The following PLPPR1 variants were observed in gnomAD, a reference collection of about 807,000 sequenced individuals.
PLPPR1 encodes the protein phospholipid phosphatase-related protein type 1.
In PLPPR1, 10 loss-of-function variants were observed where a neutral mutation model predicts 33.1. The observed-to-expected ratio is 0.30, with a 90% CI of 0.19 to 0.51. The LOEUF (loss-of-function observed/expected upper bound fraction) is 0.51, where lower values mean the gene tolerates loss of function less well. PLPPR1 is among the 20% of genes least tolerant of loss of function. The probability of loss-of-function intolerance (pLI) is 0.97; values close to 1 mark genes in which losing one functional copy is unlikely to be tolerated. For missense variants in PLPPR1, 304 were observed against 408.1 expected (o/e 0.74, Z 2.20); for synonymous variants, 151 against 151.0 (o/e 1.00, Z 0.00).
At chr9:101,071,920 A>G (rs550451299) in intron 1 of PLPPR1, among the ~76,000 whole-genome samples, 12 of 152,286 alleles carry the variant, frequency 7.9e-5, no homozygotes, top group African/African-American at 2.6e-4. Flanking sequence ...CAACTGTGAG[A>G]TTCTGTAAGA....
chr9:101,290,682 A>T (rs2185672), intron 4 of PLPPR1, among the ~76,000 whole-genome samples: 59,559 of 151,044 alleles, frequency 0.39, 12,548 homozygotes, highest in African/African-American at 0.56. Context: ...TAATTTTTTT[A>T]AAAAAATGAG....
intron 6 of PLPPR1, among the ~76,000 whole-genome samples, chr9:101,316,866 A>G (rs1460095384): frequency 1.3e-5 from 2 of 152,164 alleles, no homozygotes; most frequent in Admixed American, 6.5e-5. Context: ...GCAAAATAGT[A>G]TAGGGATATG....
intron 1 of PLPPR1, among the ~76,000 whole-genome samples, chr9:101,073,483 T>TA (rs11443685): frequency 0.61 from 90,600 of 149,480 alleles, 27,307 homozygotes; most frequent in East Asian, 0.8. Context: ...AATTTTATGC[T>TA]AAAAAAAAAA....
At position 101,116,585 on chromosome 9, in the gene PLPPR1, C is replaced by T. The variant is rs58771307; in HGVS notation, c.-45-68865C>T. ...ATCCCAGGACTTTGGGAGGCCAAGG[C>T]GGGCGGATCACAAGGTCAAGAGATC... On this transcript the variant is annotated intron_variant, in intron 1 of 7. Transcript: ENST00000374874. Among the ~76,000 whole-genome samples the T allele has an allele frequency of 9.6e-3, 1,463 of 152,108 alleles. 44 individuals carry two copies. The East Asian group carries it at 0.11, about 12-fold the overall frequency.
intron 4 of PLPPR1, among the ~76,000 whole-genome samples, chr9:101,295,375 C>A (rs1416879147): frequency 1.3e-5 from 2 of 151,604 alleles, no homozygotes; most frequent in Non-Finnish European, 3.0e-5. Flanking sequence ...GGCCATACTG[C>A]CCAAGGTAAT....
chr9:101,054,775 G>A (rs908598752), intron 1 of PLPPR1, among the ~76,000 whole-genome samples: 2 of 152,126 alleles, frequency 1.3e-5, no homozygotes, highest in African/African-American at 4.8e-5. Flanking sequence ...TCAAGTCTCT[G>A]ACTTCCACTA....
At chr9:101,138,108 A>G (rs1474794835) in intron 1 of PLPPR1, among the ~76,000 whole-genome samples, 1 of 152,212 alleles carries the variant, frequency 6.6e-6, no homozygotes, top group Non-Finnish European at 1.5e-5. Context: ...CAGCTCTGTC[A>G]TCTTGTACCA....
At chr9:101,204,669 T>C (rs561117292) in intron 2 of PLPPR1, among the ~76,000 whole-genome samples, 17 of 152,292 alleles carry the variant, frequency 1.1e-4, no homozygotes, top group Non-Finnish European at 2.2e-4. Flanking sequence ...GAGTACTGAA[T>C]GGATTTCTAA....
At chr9:101,217,669 TA>T (rs1182220514) in intron 2 of PLPPR1, among the ~76,000 whole-genome samples, 2 of 152,194 alleles carry the variant, frequency 1.3e-5, no homozygotes, top group Non-Finnish European at 2.9e-5. Flanking sequence ...AATAAAACTA[TA>T]AAAACAGGCA....
At chr9:101,059,224 A>T (rs1023790295) in intron 1 of PLPPR1, among the ~76,000 whole-genome samples, 2 of 152,274 alleles carry the variant, frequency 1.3e-5, no homozygotes, top group East Asian at 3.9e-4. Flanking sequence ...ATTAATTTGA[A>T]TATCAAAGAA....
intron 3 of PLPPR1, 146 bp downstream of exon 3, chr9:101,270,214 A>G: frequency 1.3e-6 from 1 of 786,632 alleles, no homozygotes. Flanking sequence ...GAGTGAATGG[A>G]GCTCTGCAGA....
At chr9:101,296,332 C>T (rs2118933645) in intron 4 of PLPPR1, among the ~76,000 whole-genome samples, 1 of 151,962 alleles carries the variant, frequency 6.6e-6, no homozygotes, top group East Asian at 1.9e-4. Flanking sequence ...GAAATAGGAA[C>T]ACTTTTACAC....
At chr9:101,237,998 T>C (rs1054888741) in intron 2 of PLPPR1, among the ~76,000 whole-genome samples, 1 of 136,678 alleles carries the variant, frequency 7.3e-6, no homozygotes, top group Admixed American at 7.4e-5. Context: ...TATATATATA[T>C]ATATATGCTT....
rs1332959094 is a variant in PLPPR1 at position 101,235,635 on chromosome 9, T to C, written c.64-34245T>C. Among the ~76,000 whole-genome samples the C allele has an allele frequency of 2.6e-5, 4 of 151,904 alleles. No homozygotes were observed. In the East Asian group the frequency reaches 7.7e-4, roughly 29 times the overall value. On this transcript the variant is annotated intron_variant, in intron 2 of 7. Transcript: ENST00000374874. ...CTTTGACTTGTTGATTATTTCTAAG[T>C]GCTCAATTACCGAGAGCACTTCTTG...
chr9:101,121,174 C>A (rs1433080384), intron 1 of PLPPR1, among the ~76,000 whole-genome samples: 2 of 152,136 alleles, frequency 1.3e-5, no homozygotes, highest in East Asian at 3.8e-4. Flanking sequence ...GAAATCATAG[C>A]CAGCAGAATA....
chr9:101,310,066 C>T (rs1033664848), intron 5 of PLPPR1, among the ~76,000 whole-genome samples: 8 of 152,178 alleles, frequency 5.3e-5, no homozygotes, highest in African/African-American at 1.9e-4. Context: ...TTGACTGCCC[C>T]ACTGGGGTAT....
intron 1 of PLPPR1, among the ~76,000 whole-genome samples, chr9:101,064,564 A>T: frequency 6.6e-6 from 1 of 152,028 alleles, no homozygotes; most frequent in Non-Finnish European, 1.5e-5. Context: ...GAAGCAGGGC[A>T]TCCATTTTGC....
chr9:101,254,653 A>G (rs1032960399), intron 2 of PLPPR1, among the ~76,000 whole-genome samples: 4 of 152,298 alleles, frequency 2.6e-5, no homozygotes, highest in Non-Finnish European at 5.9e-5. Context: ...TTGTAAAAAT[A>G]TAAGGACTGA....
chr9:101,087,771 G>T (rs1830696317), intron 1 of PLPPR1, among the ~76,000 whole-genome samples: 1 of 152,176 alleles, frequency 6.6e-6, no homozygotes, highest in African/African-American at 2.4e-5. Flanking sequence ...ATTCAGTGTT[G>T]CTAATCATTG....
Sources: allele counts gnomAD v4.1 joint callset (sites outside exome capture counted in the v4.1 genomes callset), GRCh38; gene constraint gnomAD v4.1.1; transcripts MANE v1.5; gene names NCBI Gene and HGNC (gene_info 2026-07-23, HGNC 2026-07-21).